Variants in MTMR2 observed in about 807,000 individuals in gnomAD.
The protein encoded by MTMR2 is myotubularin related protein 2.
A neutral mutation model predicts 86.9 loss-of-function variants in MTMR2; 55 were observed. The ratio of observed to expected loss-of-function variants is 0.63; its 90% CI spans 0.51 to 0.79. MTMR2 has a LOEUF of 0.79. Ranked by LOEUF, MTMR2 falls within the 30% of genes least tolerant of loss-of-function variation. The pLI, the probability that MTMR2 is intolerant of heterozygous loss-of-function variation, is 0.00. For missense variants in MTMR2, 659 were observed against 772.3 expected, an observed-to-expected ratio of 0.85 and a Z score of 1.74; for synonymous variants, 241 against 266.8, an observed-to-expected ratio of 0.90 and a Z score of 0.94.
At chr11:95,849,538 C>T in intron 9 of MTMR2, 136 bp downstream of exon 9, 1 of 792,004 alleles carries the variant, frequency 1.3e-6, no homozygotes. Flanking sequence ...AAAATCACAC[C>T]ATCAAGTTGA....
At chr11:95,853,240 C>G (rs548358714) in intron 7 of MTMR2, among the ~76,000 whole-genome samples, 1 of 151,184 alleles carries the variant, frequency 6.6e-6, no homozygotes, top group Admixed American at 6.6e-5. Flanking sequence ...ATCTTTAACT[C>G]CTCCCCCTCC....
At chr11:95,888,090 T>G (rs544125405) in intron 2 of MTMR2, 66 bp downstream of exon 2, 313 of 1,160,816 alleles carry the variant, frequency 2.7e-4, no homozygotes, top group Non-Finnish European at 3.5e-4. Flanking sequence ...TTAGTTATAT[T>G]GATAGTGTTG....
rs1206043219 is a variant in MTMR2, at chr11:95,834,216, C to T, written c.*1074G>A. 2.0e-5 allele frequency: 3 copies of T among 152,468 alleles called. No individual in the cohort carries two copies. The highest frequency in any genetic ancestry group is 1.3e-4 in the Admixed American group (2 of 15,240). 9.4% of individuals were successfully genotyped at this position (152,468 alleles called of 1,614,324 possible). A position where few individuals can be genotyped will look rare whatever the true frequency, so the allele number is the denominator to read the frequency against. ...AGACATCAGAGTCAAATGTTTCTACCAGCACCAAACTCTTACTTGTAGCAG... is the reference window on the plus strand; with the variant it reads ...AGACATCAGAGTCAAATGTTTCTACTAGCACCAAACTCTTACTTGTAGCAG... On this transcript the variant is annotated 3_prime_UTR_variant, in exon 15 of 15. Transcript: ENST00000346299.
At chr11:95,868,273 T>TAAAAA (rs555618890) in intron 2 of MTMR2, among the ~76,000 whole-genome samples, 6 of 42,218 alleles carry the variant, frequency 1.4e-4, no homozygotes, top group South Asian at 1.8e-3. Flanking sequence ...GACCCTGTGC[T>TAAAAA]AAAAAAAAAA....
At chr11:95,845,974 A>C (rs1863773625) in intron 10 of MTMR2, among the ~76,000 whole-genome samples, 1 of 151,900 alleles carries the variant, frequency 6.6e-6, no homozygotes, top group Admixed American at 6.6e-5. Context: ...ATAGTTCTAC[A>C]TACGCAGATG....
At chr11:95,851,294 T>G (rs1864012344) in intron 7 of MTMR2, among the ~76,000 whole-genome samples, 1 of 151,944 alleles carries the variant, frequency 6.6e-6, no homozygotes, top group African/African-American at 2.4e-5. Flanking sequence ...CCACCTACCT[T>G]GGCCTCCCAA....
chr11:95,862,731 G>C (rs1194162904), intron 3 of MTMR2, among the ~76,000 whole-genome samples: 1 of 152,324 alleles, frequency 6.6e-6, no homozygotes, highest in African/African-American at 2.4e-5. Flanking sequence ...TCAAGGCACA[G>C]TCGCCATCAT....
chr11:95,924,073 G>C lies in MTMR2; in HGVS notation c.-119C>G. 2 of 1,341,650 alleles carry C rather than the reference G, an allele frequency of 1.5e-6. No individual in the cohort carries two copies. Among genetic ancestry groups the C allele is most frequent in the South Asian group, 1.3e-5 (1 of 79,354 alleles). The allele number at this position is 1,341,650 out of a possible 1,614,324, so 83.1% of individuals were successfully genotyped here. On this transcript the variant is annotated 5_prime_UTR_variant, in exon 1 of 15. Coordinates refer to ENST00000346299, the MANE Select transcript of MTMR2 (RefSeq NM_016156.6). ...CAGTCAGGCCAGCGCCGGCCCGGGAGGGAGACCGGAAGCGGCCATGTTCCC... is the reference window on the plus strand; with the variant it reads ...CAGTCAGGCCAGCGCCGGCCCGGGACGGAGACCGGAAGCGGCCATGTTCCC...
chr11:95,858,637 A>G lies in MTMR2; in HGVS notation c.469-5T>C, dbSNP rs1314450674. On this transcript the variant is annotated splice_polypyrimidine_tract_variant and splice_region_variant and intron_variant, in intron 5 of 14. Coordinates refer to ENST00000346299, the MANE Select transcript of MTMR2 (RefSeq NM_016156.6). ...AAATCGTAAATTCCTAATATCCTAGAAAAGATTTAGGAACCAAGTTAATAA... is the reference window on the plus strand; with the variant it reads ...AAATCGTAAATTCCTAATATCCTAGGAAAGATTTAGGAACCAAGTTAATAA... 1 of 1,553,812 alleles carries G rather than the reference A, an allele frequency of 6.4e-7. No individual in the cohort carries two copies. The highest frequency in any genetic ancestry group is 1.7e-5 in the Admixed American group (1 of 59,794).
rs115613385 is a variant in MTMR2, at chr11:95,892,500, C to A, written c.81-4239G>T. On this transcript the variant is annotated intron_variant, in intron 1 of 14. Transcript: ENST00000346299. ...ATTACAAACTCCAAATAATAAGAAT[C>A]TTGTAATTAGCAAGGCATTTGAACT... 4.0e-3 allele frequency among the ~76,000 whole-genome samples: 611 copies of A among 152,276 alleles called. 5 individuals are homozygous for A. Among genetic ancestry groups the A allele is most frequent in the African/African-American group, 0.014 (590 of 41,556 alleles).
chr11:95,909,368 G>A (rs1383132006), intron 1 of MTMR2, among the ~76,000 whole-genome samples: 2 of 152,082 alleles, frequency 1.3e-5, no homozygotes, highest in Non-Finnish European at 2.9e-5. Context: ...TTAAGATTAT[G>A]TCTAAACAAA....
rs183001016 is a variant in MTMR2 at position 95,908,609 on chromosome 11, A to G, written c.80+15266T>C. ...CAAACTATACTACAAGGCTACAATA[A>G]CGAAAACAGCATGATACTGGTACAA... On this transcript the variant is annotated intron_variant, in intron 1 of 14. Transcript: ENST00000346299. Among the ~76,000 whole-genome samples, 3 of 152,256 alleles carry G rather than the reference A, an allele frequency of 2.0e-5. No individual in the cohort carries two copies. In the East Asian group the frequency reaches 5.8e-4, roughly 29 times the overall value.
At chr11:95,914,162 G>T in intron 1 of MTMR2, 1 of 975,250 alleles carries the variant, frequency 1.0e-6, no homozygotes, top group Non-Finnish European at 1.2e-6. Flanking sequence ...ATTTCATTTG[G>T]GATAATATAT....
intron 1 of MTMR2, among the ~76,000 whole-genome samples, chr11:95,894,809 G>A (rs1865825615): frequency 6.6e-6 from 1 of 152,012 alleles, no homozygotes; most frequent in African/African-American, 2.4e-5. Flanking sequence ...AAAAGAAGAA[G>A]ACAGTACCAA....
At chr11:95,848,016 C>A in intron 9 of MTMR2, 117 bp from the exon 10 acceptor site, 3 of 1,030,020 alleles carry the variant, frequency 2.9e-6, no homozygotes, top group Non-Finnish European at 4.4e-6. Context: ...AGGAAAACTC[C>A]ACAGGAAAAT....
At chr11:95,858,149 G>A (rs10501831) in intron 6 of MTMR2, among the ~76,000 whole-genome samples, 9,383 of 152,158 alleles carry the variant, frequency 0.062, 373 homozygotes, top group Middle Eastern at 0.11. Flanking sequence ...ACTGTCTAAA[G>A]CACATAGTGG....
At position 95,888,240 on chromosome 11, in the gene MTMR2, C is replaced by A. The variant is rs568170529; in HGVS notation, c.102G>T (p.Glu34Asp). 2 of 1,613,288 alleles carry A rather than the reference C, an allele frequency of 1.2e-6. No individual in the cohort carries two copies. Among genetic ancestry groups the A allele is most frequent in the South Asian group, 2.2e-5 (2 of 91,026 alleles). Residue 34 changes from glutamate (E) to aspartate (D), a missense_variant, in exon 2 of 15, where the codon GAG (glutamate) becomes GAT (aspartate). Physicochemically the swap from Glu to Asp is conservative, Grantham distance 45 (BLOSUM62 2). Around this residue, in one of 3 missense-constraint regions of MTMR2, gnomAD observed 79 missense variants for 54.4 expected, o/e 1.45. Coordinates refer to ENST00000346299, the MANE Select transcript of MTMR2 (RefSeq NM_016156.6). ...SLSSASTSHS[E>D]NSVHTKSASV... is the part of the protein sequence containing the mutation. The stretch of plus-strand genomic sequence containing the variant: ...AAGCTGATTTTGTATGCACTGAATT[C>A]TCTGAATGAGAAGTGGAGGCACTAC...
chr11:95,907,767 T>C (rs1237962208), intron 1 of MTMR2: 2 of 333,054 alleles, frequency 6.0e-6, no homozygotes, highest in East Asian at 1.7e-4. Context: ...ATAAACCATA[T>C]GATCATCTCG....
At chr11:95,865,440 G>A (rs1040400130) in intron 3 of MTMR2, 161 bp downstream of exon 3, 21 of 734,342 alleles carry the variant, frequency 2.9e-5, no homozygotes, top group African/African-American at 2.1e-4. Flanking sequence ...CTAGGCTTAC[G>A]TTTGTAGAAC....
Sources: allele counts gnomAD v4.1 joint callset (sites outside exome capture counted in the v4.1 genomes callset), GRCh38; gene constraint gnomAD v4.1.1; regional missense constraint gnomAD v4.1.1; transcripts MANE v1.5; gene names NCBI Gene and HGNC (gene_info 2026-07-23, HGNC 2026-07-21).